The following HDAC4 variants were observed in gnomAD, a reference collection of about 807,000 sequenced individuals.
HDAC4 encodes histone deacetylase 4.
Under a neutral mutation model 135.1 loss-of-function variants are expected in HDAC4, and 16 were observed. That is an observed-to-expected ratio of 0.12 (90% CI 0.08 to 0.18). The LOEUF (loss-of-function observed/expected upper bound fraction) is 0.18. HDAC4 is among the 10% of genes least tolerant of loss of function. The pLI is 1.00. For synonymous variants in HDAC4, 685 were observed against 653.4 expected, an observed-to-expected ratio of 1.05 and a Z score of -0.74; for missense variants, 1,143 against 1,511.8, an observed-to-expected ratio of 0.76 and a Z score of 4.05.
chr2:239,197,480 C>T (rs1324072492), intron 3 of HDAC4, among the ~76,000 whole-genome samples: 3 of 152,168 alleles, frequency 2.0e-5, no homozygotes, highest in Non-Finnish European at 4.4e-5. Flanking sequence ...CTCCCGTGCT[C>T]CCATCGTAGG....
At chr2:239,260,079 G>A (rs1200377064) in intron 2 of HDAC4, among the ~76,000 whole-genome samples, 1 of 152,226 alleles carries the variant, frequency 6.6e-6, no homozygotes, top group Non-Finnish European at 1.5e-5. Flanking sequence ...TGCATGCCAG[G>A]CCGCCACCTC....
intron 1 of HDAC4, among the ~76,000 whole-genome samples, chr2:239,375,396 C>T (rs536867369): frequency 4.0e-5 from 6 of 151,706 alleles, no homozygotes; most frequent in Non-Finnish European, 7.4e-5. Flanking sequence ...TTGTCCTCAC[C>T]GGGCCAGCGA....
At chr2:239,336,863 A>G (rs1691972420) in intron 2 of HDAC4, among the ~76,000 whole-genome samples, 1 of 152,240 alleles carries the variant, frequency 6.6e-6, no homozygotes, top group Non-Finnish European at 1.5e-5. Flanking sequence ...CTGTATTCCA[A>G]GATCCATCCA....
intron 2 of HDAC4, among the ~76,000 whole-genome samples, chr2:239,336,575 C>T (rs564828846): frequency 6.6e-5 from 10 of 152,308 alleles, no homozygotes; most frequent in African/African-American, 2.4e-4. Flanking sequence ...CTACAGTATA[C>T]AGCCATTCAT....
Position 239,146,707 on chromosome 2 carries a change from C to T in HDAC4, c.734-1993G>A, listed in dbSNP as rs900662188. Among the ~76,000 whole-genome samples the T allele has an allele frequency of 2.0e-5, 3 of 149,174 alleles. No homozygotes were observed. Among genetic ancestry groups the T allele is most frequent in the African/African-American group, 7.4e-5 (3 of 40,734 alleles). Reference sequence around the variant, plus strand: ...CTTCACCCCACCCCTTCCCTCCACTCCCCTCCCCTTCCCTCCTCTCCCCTT... The same window carrying T: ...CTTCACCCCACCCCTTCCCTCCACTTCCCTCCCCTTCCCTCCTCTCCCCTT... On this transcript the variant is annotated intron_variant, in intron 7 of 26. Transcript: ENST00000543185. This position sits in a 1 kb window ranked among gnomAD's most constrained non-coding sequence, Gnocchi z 4.5.
chr2:239,055,136 A>T, intron 24 of HDAC4: 1 of 369,690 alleles, frequency 2.7e-6, no homozygotes, highest in South Asian at 2.3e-5. Context: ...TCTGCCATCG[A>T]CGCCACAGGG....
At chr2:239,315,816 T>C (rs1575683121) in intron 2 of HDAC4, among the ~76,000 whole-genome samples, 1 of 152,078 alleles carries the variant, frequency 6.6e-6, no homozygotes, top group East Asian at 1.9e-4. Flanking sequence ...AAAGAAAACA[T>C]CTTCTGGAAG....
intron 22 of HDAC4, among the ~76,000 whole-genome samples, chr2:239,075,110 G>C (rs981609694): frequency 6.6e-6 from 1 of 150,880 alleles, no homozygotes; most frequent in Non-Finnish European, 1.5e-5. Context: ...TGTAGTCCCA[G>C]CTACTCAGGA....
chr2:239,115,396 C>T lies in HDAC4; in HGVS notation c.1534-86G>A, dbSNP rs2039041060. 4.5e-6 allele frequency: 7 copies of T among 1,540,698 alleles called. No individual in the cohort carries two copies. Among genetic ancestry groups the T allele is most frequent in the Admixed American group, 1.7e-5 (1 of 58,334 alleles). ...GGAGAAGGGATGCTGCAAACCCCAC[C>T]CTCTGGGGCAGACAATCAGGGACTC... On this transcript the variant is annotated intron_variant, in intron 12 of 26. Transcript: ENST00000543185. The surrounding 1 kb of genome is among the most constrained non-coding windows in gnomAD (Gnocchi z 6.3).
chr2:239,393,445 C>T (rs992667858), intron 1 of HDAC4, among the ~76,000 whole-genome samples: 3 of 152,222 alleles, frequency 2.0e-5, no homozygotes, highest in African/African-American at 7.2e-5. Context: ...CACCTCCACC[C>T]CACCCAGGCA....
chr2:239,269,295 CCACA>C (rs907980810), intron 2 of HDAC4, among the ~76,000 whole-genome samples: 3 of 150,732 alleles, frequency 2.0e-5, no homozygotes, highest in South Asian at 4.2e-4. Context: ...ATTCACACAC[CCACA>C]CACATTCACA....
intron 16 of HDAC4, among the ~76,000 whole-genome samples, chr2:239,099,143 G>T (rs1414722785): frequency 6.6e-6 from 1 of 152,162 alleles, no homozygotes; most frequent in Non-Finnish European, 1.5e-5. Flanking sequence ...CAAGGTGGTG[G>T]AGCTAAGCCT....
intron 11 of HDAC4, among the ~76,000 whole-genome samples, chr2:239,132,627 A>G (rs895991902): frequency 1.3e-5 from 2 of 152,220 alleles, no homozygotes; most frequent in Non-Finnish European, 2.9e-5. Context: ...ACAGGGAAGA[A>G]GCAACGCCGA....
chr2:239,348,306 C>G (rs1343142481), intron 2 of HDAC4, among the ~76,000 whole-genome samples: 1 of 152,066 alleles, frequency 6.6e-6, no homozygotes, highest in Non-Finnish European at 1.5e-5. Context: ...CCCAGCAAAT[C>G]CACTGCGGGG....
chr2:239,344,261 C>T (rs1028874997), intron 2 of HDAC4, among the ~76,000 whole-genome samples: 1 of 152,110 alleles, frequency 6.6e-6, no homozygotes, highest in Non-Finnish European at 1.5e-5. Context: ...TCTCACACCG[C>T]GTTTTCTATG....
chr2:239,300,495 A>C (rs888092749), intron 2 of HDAC4, among the ~76,000 whole-genome samples: 2 of 152,222 alleles, frequency 1.3e-5, no homozygotes, highest in African/African-American at 4.8e-5. Flanking sequence ...CATCGCAGAA[A>C]GTCCTGGAGT....
At chr2:239,343,087 C>T (rs1035701891) in intron 2 of HDAC4, among the ~76,000 whole-genome samples, 5 of 152,232 alleles carry the variant, frequency 3.3e-5, no homozygotes, top group African/African-American at 1.2e-4. Flanking sequence ...CAGTGTCTTA[C>T]TGATTAGGTG....
intron 24 of HDAC4, among the ~76,000 whole-genome samples, chr2:239,063,555 G>C (rs1029996801): frequency 6.6e-6 from 1 of 152,154 alleles, no homozygotes; most frequent in African/African-American, 2.4e-5. Flanking sequence ...GTGTGCAAGG[G>C]GACGTATGCG....
intron 1 of HDAC4, among the ~76,000 whole-genome samples, chr2:239,382,756 T>G (rs914671486): frequency 6.6e-6 from 1 of 152,062 alleles, no homozygotes; most frequent in African/African-American, 2.4e-5. Context: ...CGCAGTTTGG[T>G]TCTTGTTGCC....
Sources: allele counts gnomAD v4.1 joint callset (sites outside exome capture counted in the v4.1 genomes callset), GRCh38; gene constraint gnomAD v4.1.1; non-coding constraint Gnocchi (gnomAD v3.1); transcripts MANE v1.5; gene names NCBI Gene and HGNC (gene_info 2026-07-23, HGNC 2026-07-21).